Variants in CCSER2 observed in about 807,000 individuals in gnomAD.
CCSER2 encodes the protein coiled-coil serine rich protein 2, also known as serine-rich coiled-coil domain-containing protein 2.
In CCSER2, 46 loss-of-function variants were observed where a neutral mutation model predicts 92.3. That is an observed-to-expected ratio of 0.50 (90% CI 0.39 to 0.64). CCSER2 has a LOEUF of 0.64. Ranked by LOEUF, CCSER2 falls within the 30% of genes least tolerant of loss-of-function variation. CCSER2 has a pLI of 0.00. For synonymous variants in CCSER2, 433 were observed against 431.4 expected (o/e 1.00, Z -0.04); for missense variants, 1,244 against 1,238.9 (o/e 1.00, Z -0.06).
At chr10:84,358,821 T>A (rs1351879296) in intron 1 of CCSER2, among the ~76,000 whole-genome samples, 1 of 152,140 alleles carries the variant, frequency 6.6e-6, no homozygotes, top group East Asian at 1.9e-4. Context: ...AGTTTTAAGT[T>A]CTGAAAGGCT....
chr10:84,472,620 C>A (rs1846883406), intron 8 of CCSER2, among the ~76,000 whole-genome samples: 1 of 151,734 alleles, frequency 6.6e-6, no homozygotes, highest in South Asian at 2.1e-4. Context: ...TTATTCTCAT[C>A]AAAAATATTA....
intron 9 of CCSER2, among the ~76,000 whole-genome samples, chr10:84,492,280 CAA>C (rs1293709141): frequency 7.5e-4 from 70 of 93,832 alleles, no homozygotes; most frequent in Admixed American, 8.9e-4. Context: ...ACTCTGTCTC[CAA>C]AAAAAAAAAA....
intron 9 of CCSER2, among the ~76,000 whole-genome samples, chr10:84,495,157 T>G (rs77459667): frequency 1.2e-4 from 18 of 151,184 alleles, no homozygotes; most frequent in East Asian, 1.9e-4. Flanking sequence ...TATTTTCTTT[T>G]GCATTCAGTT....
intron 6 of CCSER2, chr10:84,452,132 A>G (rs1299088233): frequency 6.6e-6 from 1 of 152,206 alleles, no homozygotes; most frequent in Non-Finnish European, 1.5e-5. Flanking sequence ...GTGTTGTAGC[A>G]TATCTGAAAC....
At chr10:84,457,025 C>T (rs2133616372) in intron 6 of CCSER2, among the ~76,000 whole-genome samples, 1 of 150,316 alleles carries the variant, frequency 6.7e-6, no homozygotes, top group African/African-American at 2.4e-5. Context: ...ATGGGACTAG[C>T]TTTTTGGGCA....
intron 1 of CCSER2, among the ~76,000 whole-genome samples, chr10:84,359,802 TTTTTTA>T (rs1430100453): frequency 5.3e-5 from 8 of 152,180 alleles, no homozygotes; most frequent in South Asian, 4.2e-4. Flanking sequence ...TGGGGTTTAC[TTTTTTA>T]TTTTTATTTT....
chr10:84,347,232 C>T (rs1237851755), intron 1 of CCSER2, among the ~76,000 whole-genome samples: 5 of 152,250 alleles, frequency 3.3e-5, no homozygotes, highest in South Asian at 2.1e-4. Context: ...CCCCACCTTT[C>T]CCCCTTTTCT....
rs1843384955 is a variant in CCSER2 at position 84,328,653 on chromosome 10, G to A, written c.-195G>A. 1 of 151,240 alleles carries A rather than the reference G, an allele frequency of 6.6e-6. No homozygotes were observed. The highest frequency in any genetic ancestry group is 2.1e-4 in the South Asian group (1 of 4,850). 9.4% of individuals were successfully genotyped at this position (151,240 alleles called of 1,614,324 possible). A position where few individuals can be genotyped will look rare whatever the true frequency, so the allele number is the denominator to read the frequency against. On this transcript the variant is annotated 5_prime_UTR_variant, in exon 1 of 10. Coordinates refer to ENST00000372088, the MANE Select transcript of CCSER2 (RefSeq NM_001284240.2). Reference sequence around the variant, plus strand: ...GGCTTTGGAGTCCGGCGCTCCCTCAGGCCGCGGACGCGATGCTGGTTGCTG... The same window carrying A: ...GGCTTTGGAGTCCGGCGCTCCCTCAAGCCGCGGACGCGATGCTGGTTGCTG...
At chr10:84,419,905 G>A (rs1843055327) in intron 4 of CCSER2, among the ~76,000 whole-genome samples, 2 of 152,190 alleles carry the variant, frequency 1.3e-5, no homozygotes, top group South Asian at 2.1e-4. Flanking sequence ...GAAAGATCAA[G>A]TAGAAAAATA....
rs199630894 is a variant in CCSER2, at chr10:84,381,933, AAAAAG to A, written c.1614+8121_1614+8125del. ...AGGCTTTCTCAAAAAAAAAAAAAAA[AAAAAG>A]AACATCCGTCGTGGACAAGACTTTG... On this transcript the variant is annotated intron_variant, in intron 3 of 9. Transcript: ENST00000372088. 7.1e-3 allele frequency among the ~76,000 whole-genome samples: 1,079 copies of A among 151,486 alleles called. 12 individuals carry two copies. The highest frequency in any genetic ancestry group is 0.025 in the African/African-American group (1,017 of 41,250).
At chr10:84,440,468 CA>C (rs1347262908) in intron 6 of CCSER2, among the ~76,000 whole-genome samples, 2 of 151,938 alleles carry the variant, frequency 1.3e-5, no homozygotes, top group Non-Finnish European at 2.9e-5. Context: ...ATATAGTTTT[CA>C]AAAAAATTCA....
chr10:84,514,187 A>C lies in CCSER2; in HGVS notation c.3064A>C (p.Asn1022His). The C allele has an allele frequency of 6.5e-7, 1 of 1,536,480 alleles. No individual in the cohort carries two copies. Among genetic ancestry groups the C allele is most frequent in the Non-Finnish European group, 8.7e-7 (1 of 1,146,998 alleles). ...AACACAACGAAAAGAAATCATGCAG[A>C]ATCCAAATGGCAATTTGCATTCTGG... Reference protein sequence around the residue: ...PLTQRKEIMQNPNGNLHSGDC... With the variant: ...PLTQRKEIMQHPNGNLHSGDC... The change falls in exon 10 of 10, where the codon AAT becomes CAT. Residue 1022 changes from asparagine to histidine, a missense_variant. Transcript: ENST00000372088.
intron 3 of CCSER2, among the ~76,000 whole-genome samples, chr10:84,386,696 A>C (rs1368308738): frequency 6.6e-6 from 1 of 152,224 alleles, no homozygotes; most frequent in Non-Finnish European, 1.5e-5. Flanking sequence ...ATGTCACTGC[A>C]CTCCAGCCTG....
chr10:84,456,053 C>G (rs1430757262), intron 6 of CCSER2: 1 of 440,254 alleles, frequency 2.3e-6, no homozygotes, highest in East Asian at 5.8e-5. Context: ...CTTCCAAAGC[C>G]TAGATCGGGC....
At chr10:84,473,055 A>G (rs1846914037) in intron 8 of CCSER2, 1 of 152,174 alleles carries the variant, frequency 6.6e-6, no homozygotes, top group Admixed American at 6.5e-5. Context: ...TGTCCTGAAT[A>G]ATATCTCATC....
intron 3 of CCSER2, chr10:84,392,010 C>G: frequency 7.7e-7 from 1 of 1,304,946 alleles, no homozygotes; most frequent in South Asian, 1.2e-5. Flanking sequence ...GTTTCCTCTT[C>G]CCTTAAAAAG....
chr10:84,364,468 C>G (rs1343813855), intron 1 of CCSER2, among the ~76,000 whole-genome samples: 1 of 152,150 alleles, frequency 6.6e-6, no homozygotes, highest in Non-Finnish European at 1.5e-5. Context: ...AACCCGAATC[C>G]TCTTTGACAG....
In CCSER2 at chr10:84,333,458, T is replaced by C. The variant is rs2132968846; in HGVS notation, c.-40+4650T>C. The stretch of plus-strand genomic sequence containing the variant: ...CCAAGGATAACATAGGTAGTAAGCA[T>C]TGGAACTGGAACTCAGTCAGCCTGC... On this transcript the variant is annotated intron_variant, in intron 1 of 9. Coordinates refer to ENST00000372088, the MANE Select transcript of CCSER2 (RefSeq NM_001284240.2). Among the ~76,000 whole-genome samples, 3 of 152,314 alleles carry C rather than the reference T, an allele frequency of 2.0e-5. No homozygotes were observed. The South Asian group carries it at 6.2e-4, about 32-fold the overall frequency.
chr10:84,436,833 T>G (rs1441707579), intron 5 of CCSER2, among the ~76,000 whole-genome samples: 1 of 152,066 alleles, frequency 6.6e-6, no homozygotes, highest in African/African-American at 2.4e-5. Flanking sequence ...CAGAGAAAAA[T>G]AATCTTGTAA....
Sources: allele counts gnomAD v4.1 joint callset (sites outside exome capture counted in the v4.1 genomes callset), GRCh38; gene constraint gnomAD v4.1.1; transcripts MANE v1.5; gene names NCBI Gene and HGNC (gene_info 2026-07-23, HGNC 2026-07-21).